KTN1: variants seen among roughly 807,000 people sequenced by gnomAD.
KTN1 encodes the protein kinectin 1.
In KTN1, 130 loss-of-function variants were observed where a neutral mutation model predicts 222.5. That is an observed-to-expected ratio of 0.58 (90% CI 0.51 to 0.68). The LOEUF (loss-of-function observed/expected upper bound fraction) is 0.68, where lower values mean the gene tolerates loss of function less well. Among genes scored for constraint, KTN1 ranks in the 30% least tolerant of loss-of-function variants. The probability of loss-of-function intolerance (pLI) is 0.00; values close to 1 mark genes in which losing one functional copy is unlikely to be tolerated. For synonymous variants in KTN1, 512 were observed against 496.3 expected (o/e 1.03, Z -0.42); for missense variants, 1,508 against 1,500.4 (o/e 1.01, Z -0.08).
chr14:55,581,153 G>T (rs1171696508), intron 1 of KTN1, among the ~76,000 whole-genome samples: 1 of 152,238 alleles, frequency 6.6e-6, no homozygotes, highest in African/African-American at 2.4e-5. Context: ...TAGAGAAGTC[G>T]TCTGGCTCTC....
At position 55,661,707 on chromosome 14, in the gene KTN1, G is replaced by A. The variant is rs555502044; in HGVS notation, c.3090+95G>A. ...TTTTTTTAAATCTACTTTTACTTTAGATTTCTTAATCTTTGTAAGAAAGTA... is the reference window on the plus strand; with the variant it reads ...TTTTTTTAAATCTACTTTTACTTTAAATTTCTTAATCTTTGTAAGAAAGTA... On this transcript the variant is annotated intron_variant, in intron 32 of 43. Coordinates refer to ENST00000395314, the MANE Select transcript of KTN1 (RefSeq NM_001079521.2). 2.6e-5 allele frequency: 16 copies of A among 609,228 alleles called. No individual in the cohort carries two copies. In the East Asian group the frequency reaches 4.4e-4, roughly 17 times the overall value. The allele number at this position is 609,228 out of a possible 1,614,324, so 37.7% of individuals were successfully genotyped here.
rs372960266 is a variant in KTN1, at chr14:55,656,157, T to G, written c.2892+25T>G. 4.1e-6 allele frequency: 6 copies of G among 1,453,864 alleles called. No homozygotes were observed. The African/African-American group carries it at 8.6e-5, about 21-fold the overall frequency. 90.1% of individuals were successfully genotyped at this position (1,453,864 alleles called of 1,614,324 possible). On this transcript the variant is annotated intron_variant, in intron 29 of 43. Transcript: ENST00000395314. ...GGTGAATATGGTGACTTAAAATTAA[T>G]TATTTTGTAAATTATTGTCTTTGCA...
intron 41 of KTN1, among the ~76,000 whole-genome samples, chr14:55,677,997 A>T (rs1425204504): frequency 2.0e-5 from 3 of 152,204 alleles, no homozygotes; most frequent in Non-Finnish European, 4.4e-5. Context: ...CGCGCCCAGC[A>T]ACATGGCCCT....
In KTN1 at chr14:55,684,527, G is replaced by A. The variant is rs2046616771; in HGVS notation, c.*424G>A. Reference sequence around the variant, plus strand: ...AAGAAAACACTTTTTTGTTGCTAATGTAATCGGTTTTTGTAATGGCGTCAG... The same window carrying A: ...AAGAAAACACTTTTTTGTTGCTAATATAATCGGTTTTTGTAATGGCGTCAG... On this transcript the variant is annotated 3_prime_UTR_variant, in exon 44 of 44. Coordinates refer to ENST00000395314, the MANE Select transcript of KTN1 (RefSeq NM_001079521.2). 2 of 203,772 alleles carry A rather than the reference G, an allele frequency of 9.8e-6. No individual in the cohort carries two copies. The allele number at this position is 203,772 out of a possible 1,614,324, so 12.6% of individuals were successfully genotyped here.
intron 3 of KTN1, 53 bp downstream of exon 3, chr14:55,616,707 A>G: frequency 6.9e-7 from 1 of 1,451,200 alleles, no homozygotes; most frequent in South Asian, 1.3e-5. Context: ...GAAGTACACC[A>G]GCACAAGGAC....
intron 9 of KTN1, 40 bp downstream of exon 9, chr14:55,634,698 T>C: frequency 1.9e-6 from 3 of 1,570,156 alleles, no homozygotes; most frequent in Non-Finnish European, 2.6e-6. Context: ...TCATGAATAA[T>C]ATAGGCGTAT....
intron 10 of KTN1, among the ~76,000 whole-genome samples, chr14:55,636,813 T>C (rs928173566): frequency 4.6e-5 from 7 of 152,042 alleles, no homozygotes; most frequent in Admixed American, 2.6e-4. Context: ...TCTGTAGTTA[T>C]TCTCTTTGGT....
At chr14:55,585,134 A>AC (rs1337464286) in intron 1 of KTN1, among the ~76,000 whole-genome samples, 2 of 143,236 alleles carry the variant, frequency 1.4e-5, no homozygotes, top group African/African-American at 5.3e-5. Flanking sequence ...TGTGTCTCAA[A>AC]AAAAAAAAAA....
chr14:55,647,236 A>G (rs1332954929), intron 19 of KTN1, among the ~76,000 whole-genome samples: 1 of 152,244 alleles, frequency 6.6e-6, no homozygotes, highest in Non-Finnish European at 1.5e-5. Context: ...GTAAAGAGGA[A>G]GTATCCTCAG....
intron 14 of KTN1, 46 bp from the exon 15 acceptor site, chr14:55,640,328 A>T: frequency 7.8e-7 from 1 of 1,276,516 alleles, no homozygotes; most frequent in South Asian, 1.3e-5. Context: ...CAAACTTTAA[A>T]ATCAGTTGTA....
chr14:55,654,989 T>C (rs2043318202), intron 28 of KTN1, among the ~76,000 whole-genome samples: 1 of 151,210 alleles, frequency 6.6e-6, no homozygotes, highest in Non-Finnish European at 1.5e-5. Context: ...TTTTCTTTTC[T>C]TTTTTTTTGG....
chr14:55,598,030 T>C (rs1203518658), intron 1 of KTN1, among the ~76,000 whole-genome samples: 3 of 152,168 alleles, frequency 2.0e-5, no homozygotes, highest in Non-Finnish European at 4.4e-5. Context: ...CTTGGAGTAA[T>C]TGAGGGGCCA....
At chr14:55,628,171 A>G (rs967225731) in intron 6 of KTN1, 143 bp downstream of exon 6, 7 of 598,988 alleles carry the variant, frequency 1.2e-5, no homozygotes, top group African/African-American at 7.5e-5. Flanking sequence ...TTGGGAGGGT[A>G]GATAGAGCTG....
At position 55,658,512 on chromosome 14, in the gene KTN1, T is replaced by A. The variant is rs542066623; in HGVS notation, c.2893-34T>A. On this transcript the variant is annotated intron_variant, in intron 29 of 43. Transcript: ENST00000395314. ...TCTAAGTTTATGTGGAAAAAATCTG[T>A]TTAGATACTGATGTTTAATTTTTAT... 9 of 1,230,098 alleles carry A rather than the reference T, an allele frequency of 7.3e-6. No homozygotes were observed. In the South Asian group the frequency reaches 9.8e-5, roughly 13 times the overall value. 76.2% of individuals were successfully genotyped at this position (1,230,098 alleles called of 1,614,324 possible).
intron 1 of KTN1, among the ~76,000 whole-genome samples, chr14:55,596,862 A>C (rs1279268577): frequency 6.6e-6 from 1 of 151,782 alleles, no homozygotes; most frequent in Non-Finnish European, 1.5e-5. Context: ...TTAATATATC[A>C]AAGCTACACT....
chr14:55,659,056 A>G (rs1363325465), intron 30 of KTN1, among the ~76,000 whole-genome samples: 4 of 152,120 alleles, frequency 2.6e-5, no homozygotes, highest in African/African-American at 9.6e-5. Flanking sequence ...TGGTAAATCA[A>G]AAGTGTGTTT....
At chr14:55,611,263 CTTTT>C (rs897315974) in intron 1 of KTN1, among the ~76,000 whole-genome samples, 13 of 116,050 alleles carry the variant, frequency 1.1e-4, no homozygotes, top group African/African-American at 2.4e-4. Context: ...ATTTTCTTGT[CTTTT>C]TTTTTTTTTT....
intron 5 of KTN1, among the ~76,000 whole-genome samples, chr14:55,625,546 A>G (rs781146796): frequency 4.0e-4 from 61 of 152,064 alleles, no homozygotes; most frequent in Non-Finnish European, 7.8e-4. Context: ...TGTGATTATA[A>G]TTTTCATGTT....
chr14:55,663,906 A>T, intron 32 of KTN1, 49 bp from the exon 33 acceptor site: 1 of 1,441,180 alleles, frequency 6.9e-7, no homozygotes, highest in South Asian at 1.2e-5. Flanking sequence ...AAAAGCAAAA[A>T]TCTTTCAATA....
Sources: allele counts gnomAD v4.1 joint callset (sites outside exome capture counted in the v4.1 genomes callset), GRCh38; gene constraint gnomAD v4.1.1; transcripts MANE v1.5; gene names NCBI Gene and HGNC (gene_info 2026-07-23, HGNC 2026-07-21).